FBH1: variants seen among roughly 807,000 people sequenced by gnomAD.
FBH1 encodes F-box DNA helicase 1, also known as DNA 3'-5' helicase 1.
In FBH1, 43 loss-of-function variants were observed where a neutral mutation model predicts 115.5. The observed-to-expected ratio is 0.37, with a 90% CI of 0.29 to 0.48. FBH1 has a LOEUF of 0.48. FBH1 is among the 20% of genes least tolerant of loss of function. The probability of loss-of-function intolerance (pLI) is 0.99; values close to 1 mark genes in which losing one functional copy is unlikely to be tolerated. For synonymous variants in FBH1, 524 were observed against 507.8 expected (o/e 1.03, Z -0.43); for missense variants, 1,001 against 1,337.3 (o/e 0.75, Z 3.92).
chr10:5,911,852 G>A lies in FBH1; in HGVS notation c.1211+724G>A, dbSNP rs1161357105. ...GAAAAAGCTTCTCTGAGCAGGTAGT[G>A]TCTGAGTGAAACCTGAGTGTGGAGG... On this transcript the variant is annotated intron_variant, in intron 6 of 20. Coordinates refer to ENST00000362091, the MANE Select transcript of FBH1 (RefSeq NM_178150.3). The surrounding 1 kb of genome is among the most constrained non-coding windows in gnomAD (Gnocchi z 5.4). Among the ~76,000 whole-genome samples, 2 of 152,198 alleles carry A rather than the reference G, an allele frequency of 1.3e-5. No individual in the cohort carries two copies. The highest frequency in any genetic ancestry group is 2.1e-4 in the South Asian group (1 of 4,830).
Position 5,923,979 on chromosome 10 carries a change from G to A in FBH1, c.2398+283G>A, listed in dbSNP as rs545713586. The A allele has an allele frequency of 1.6e-5, 9 of 557,614 alleles. No homozygotes were observed. The highest frequency in any genetic ancestry group is 5.6e-5 in the African/African-American group (3 of 53,376). The allele number at this position is 557,614 out of a possible 1,614,324, so 34.5% of individuals were successfully genotyped here. A position where few individuals can be genotyped will look rare whatever the true frequency, so the allele number is the denominator to read the frequency against. On this transcript the variant is annotated intron_variant, in intron 16 of 20. Transcript: ENST00000362091. This position sits in a 1 kb window ranked among gnomAD's most constrained non-coding sequence, Gnocchi z 5.7. Reference sequence around the variant, plus strand: ...TCTGTCTGCCTGGGCCAATTTATACGTTGATACTTCCACGTGGGCCCCAAG... The same window carrying A: ...TCTGTCTGCCTGGGCCAATTTATACATTGATACTTCCACGTGGGCCCCAAG...
At position 5,936,422 on chromosome 10, in the gene FBH1, G is replaced by T; in HGVS notation, c.2830-34G>T. On this transcript the variant is annotated intron_variant, in intron 19 of 20. Coordinates refer to ENST00000362091, the MANE Select transcript of FBH1 (RefSeq NM_178150.3). This position sits in a 1 kb window ranked among gnomAD's most constrained non-coding sequence, Gnocchi z 5.6. ...TCCAGTAGACCCTAACGGAGGTGTCGCCATGACTCTCTTTCTCGCTCTTTC... is the reference window on the plus strand; with the variant it reads ...TCCAGTAGACCCTAACGGAGGTGTCTCCATGACTCTCTTTCTCGCTCTTTC... 1 of 1,607,394 alleles carries T rather than the reference G, an allele frequency of 6.2e-7. No homozygotes were observed. The highest frequency in any genetic ancestry group is 8.5e-7 in the Non-Finnish European group (1 of 1,176,524).
At position 5,925,372 on chromosome 10, in the gene FBH1, A is replaced by G; in HGVS notation, c.2602A>G (p.Ile868Val). 6.2e-7 allele frequency: 1 copy of G among 1,614,042 alleles called. No homozygotes were observed. The highest frequency in any genetic ancestry group is 8.5e-7 in the Non-Finnish European group (1 of 1,180,002). The change falls in exon 18 of 21, where the codon ATT becomes GTT. Residue 868 changes from isoleucine to valine, a missense_variant. Coordinates refer to ENST00000362091, the MANE Select transcript of FBH1 (RefSeq NM_178150.3). This position sits in a 1 kb window ranked among gnomAD's most constrained non-coding sequence, Gnocchi z 4.6. ...GTGCTGTGTTTTTATCCTAGAGTAC[A>G]TTCTGGGCACTGTGCACAAAGCCAA... ...HIEDLDFAEY[I>V]LGTVHKAKGL...
At position 5,914,125 on chromosome 10, in the gene FBH1, T is replaced by C; in HGVS notation, c.1305-53T>C. The stretch of plus-strand genomic sequence containing the variant: ...TTTGGTTTTTGGACTGTCTATCCCC[T>C]GGACTTTTCACGTCTTTCTGTTTTT... On this transcript the variant is annotated intron_variant, in intron 7 of 20. Coordinates refer to ENST00000362091, the MANE Select transcript of FBH1 (RefSeq NM_178150.3). The surrounding 1 kb of genome is among the most constrained non-coding windows in gnomAD (Gnocchi z 5.2). 2 of 1,567,928 alleles carry C rather than the reference T, an allele frequency of 1.3e-6. No homozygotes were observed. Among genetic ancestry groups the C allele is most frequent in the South Asian group, 1.1e-5 (1 of 90,022 alleles).
In FBH1 at chr10:5,909,109, C is replaced by A; in HGVS notation, c.885-50C>A. On this transcript the variant is annotated intron_variant, in intron 4 of 20. Coordinates refer to ENST00000362091, the MANE Select transcript of FBH1 (RefSeq NM_178150.3). The surrounding 1 kb of genome is among the most constrained non-coding windows in gnomAD (Gnocchi z 4.4). ...CGTCTTTGAAGTCTTCCTTGTACAT[C>A]AGTGCTTATGGTCACCCTACTCATG... is the stretch of plus-strand genomic sequence containing the variant. The A allele has an allele frequency of 6.2e-7, 1 of 1,613,550 alleles. No individual in the cohort carries two copies. The highest frequency in any genetic ancestry group is 8.5e-7 in the Non-Finnish European group (1 of 1,179,876).
chr10:5,895,262 T>C lies in FBH1; in HGVS notation c.1+4916T>C. ...TGTCCAGATTAGCAAAACTGCCCTCTGTGGATCTTTGTTAAAGTTGGGTAT... is the reference window on the plus strand; with the variant it reads ...TGTCCAGATTAGCAAAACTGCCCTCCGTGGATCTTTGTTAAAGTTGGGTAT... On this transcript the variant is annotated intron_variant, in intron 1 of 20. Transcript: ENST00000362091. The surrounding 1 kb of genome is among the most constrained non-coding windows in gnomAD (Gnocchi z 5.0). 1.3e-6 allele frequency: 2 copies of C among 1,486,934 alleles called. No homozygotes were observed. Among genetic ancestry groups the C allele is most frequent in the South Asian group, 2.6e-5 (2 of 76,586 alleles). 92.1% of individuals were successfully genotyped at this position (1,486,934 alleles called of 1,614,324 possible). A position where few individuals can be genotyped will look rare whatever the true frequency, so the allele number is the denominator to read the frequency against.
chr10:5,933,099 T>C lies in FBH1; in HGVS notation c.2830-3357T>C, dbSNP rs558619525. ...GTCCCACCAGTTGTATGCATAAGAG[T>C]GAAATAGGCCCGGCGCAGTAGCTCA... On this transcript the variant is annotated intron_variant, in intron 19 of 20. Transcript: ENST00000362091. The surrounding 1 kb of genome is among the most constrained non-coding windows in gnomAD (Gnocchi z 4.9). Among the ~76,000 whole-genome samples the C allele has an allele frequency of 1.3e-5, 2 of 152,018 alleles. No homozygotes were observed. Among genetic ancestry groups the C allele is most frequent in the South Asian group, 4.2e-4 (2 of 4,812 alleles).
At chr10:5,893,672 T>A (rs1199402057) in intron 1 of FBH1, among the ~76,000 whole-genome samples, 4 of 152,238 alleles carry the variant, frequency 2.6e-5, no homozygotes, top group African/African-American at 9.6e-5. Flanking sequence ...TAACACTTCA[T>A]GCATGCATTT....
intron 1 of FBH1, among the ~76,000 whole-genome samples, chr10:5,893,452 C>G (rs1842845631): frequency 6.6e-6 from 1 of 152,186 alleles, no homozygotes. Context: ...AATTCCTTTT[C>G]CAGCCTTATC....
intron 2 of FBH1, 106 bp from the exon 3 acceptor site, chr10:5,905,931 C>A: frequency 1.3e-6 from 1 of 750,052 alleles, no homozygotes. Context: ...TATCTCTTTC[C>A]ACTATTAACA....
chr10:5,928,947 G>A (rs193015099), intron 19 of FBH1, among the ~76,000 whole-genome samples: 132 of 152,268 alleles, frequency 8.7e-4, no homozygotes, highest in African/African-American at 3.0e-3. Flanking sequence ...GCCTACTCTC[G>A]TGGGGTGAGC....
chr10:5,898,543 T>A (rs1382667919), intron 1 of FBH1, among the ~76,000 whole-genome samples: 1 of 152,154 alleles, frequency 6.6e-6, no homozygotes, highest in Non-Finnish European at 1.5e-5. Context: ...CCTGAGTAGC[T>A]GGGGTTACAG....
rs1390357325 is a variant in FBH1, at chr10:5,933,083, G to T, written c.2830-3373G>T. Among the ~76,000 whole-genome samples the T allele has an allele frequency of 2.0e-5, 3 of 152,112 alleles. No homozygotes were observed. Among genetic ancestry groups the T allele is most frequent in the Admixed American group, 2.0e-4 (3 of 15,268 alleles). On this transcript the variant is annotated intron_variant, in intron 19 of 20. Coordinates refer to ENST00000362091, the MANE Select transcript of FBH1 (RefSeq NM_178150.3). The surrounding 1 kb of genome is among the most constrained non-coding windows in gnomAD (Gnocchi z 4.9). ...TTGTTATCACTTTAGAGTCCCACCAGTTGTATGCATAAGAGTGAAATAGGC... is the reference window on the plus strand; with the variant it reads ...TTGTTATCACTTTAGAGTCCCACCATTTGTATGCATAAGAGTGAAATAGGC...
Position 5,906,280 on chromosome 10 carries a change from C to T in FBH1, c.401C>T (p.Ala134Val). 1.2e-6 allele frequency: 2 copies of T among 1,614,208 alleles called. No individual in the cohort carries two copies. The highest frequency in any genetic ancestry group is 1.7e-6 in the Non-Finnish European group (2 of 1,180,034). Residue 134 changes from alanine (A) to valine (V), a missense_variant, in exon 3 of 21, where the codon GCT becomes GTT. Around this residue, in one of 4 missense-constraint regions of FBH1, gnomAD observed 420 missense variants for 430.4 expected, o/e 0.98. Coordinates refer to ENST00000362091, the MANE Select transcript of FBH1 (RefSeq NM_178150.3). The surrounding 1 kb of genome is among the most constrained non-coding windows in gnomAD (Gnocchi z 7.3). ...SWSSEEESNQATGTSRWDGVS... is the reference protein window; with the variant it reads ...SWSSEEESNQVTGTSRWDGVS... ...TCCTCTGAGGAAGAGAGTAACCAGGCTACCGGGACCAGCCGGTGGGATGGA... is the reference window on the plus strand; with the variant it reads ...TCCTCTGAGGAAGAGAGTAACCAGGTTACCGGGACCAGCCGGTGGGATGGA...
In FBH1 at chr10:5,923,617, T is replaced by A; in HGVS notation, c.2323-4T>A. The A allele has an allele frequency of 6.2e-7, 1 of 1,607,412 alleles. No homozygotes were observed. The highest frequency in any genetic ancestry group is 8.5e-7 in the Non-Finnish European group (1 of 1,178,308). ...ACAAAAATCCCACCAAAAAACTTTTTCAGGGGATTAAATCATTTGGATTGG... is the reference window on the plus strand; with the variant it reads ...ACAAAAATCCCACCAAAAAACTTTTACAGGGGATTAAATCATTTGGATTGG... On this transcript the variant is annotated splice_polypyrimidine_tract_variant and splice_region_variant and intron_variant, in intron 15 of 20. Transcript: ENST00000362091. This position sits in a 1 kb window ranked among gnomAD's most constrained non-coding sequence, Gnocchi z 5.7.
chr10:5,936,901 T>G lies in FBH1; in HGVS notation c.2962-209T>G. ...TTATCTTGACTGGATAAATGACTGT[T>G]TCTGAGCTCAGGGAATTTGGGGGTG... On this transcript the variant is annotated intron_variant, in intron 20 of 20. Coordinates refer to ENST00000362091, the MANE Select transcript of FBH1 (RefSeq NM_178150.3). The surrounding 1 kb of genome is among the most constrained non-coding windows in gnomAD (Gnocchi z 5.6). The G allele has an allele frequency of 1.6e-6, 1 of 621,502 alleles. No homozygotes were observed. The highest frequency in any genetic ancestry group is 2.8e-6 in the Non-Finnish European group (1 of 359,560). The allele number at this position is 621,502 out of a possible 1,614,324, so 38.5% of individuals were successfully genotyped here.
Position 5,936,431 on chromosome 10 carries a change from C to G in FBH1, c.2830-25C>G, listed in dbSNP as rs745413507. The G allele has an allele frequency of 3.1e-6, 5 of 1,611,040 alleles. No homozygotes were observed. The highest frequency in any genetic ancestry group is 2.2e-5 in the South Asian group (2 of 90,902). Reference sequence around the variant, plus strand: ...CCCTAACGGAGGTGTCGCCATGACTCTCTTTCTCGCTCTTTCTTTCTCAGG... The same window carrying G: ...CCCTAACGGAGGTGTCGCCATGACTGTCTTTCTCGCTCTTTCTTTCTCAGG... On this transcript the variant is annotated intron_variant, in intron 19 of 20. Transcript: ENST00000362091. This position sits in a 1 kb window ranked among gnomAD's most constrained non-coding sequence, Gnocchi z 5.6.
chr10:5,899,707 C>A (rs1315753065), intron 1 of FBH1, among the ~76,000 whole-genome samples: 1 of 152,186 alleles, frequency 6.6e-6, no homozygotes, highest in Non-Finnish European at 1.5e-5. Context: ...GTTCTGGAAG[C>A]CATGTTGCCG....
At position 5,906,570 on chromosome 10, in the gene FBH1, G is replaced by C. The variant is rs748808071; in HGVS notation, c.691G>C (p.Asp231His). 6.2e-7 allele frequency: 1 copy of C among 1,613,836 alleles called. No homozygotes were observed. ...RHVFAFLPVE[D>H]LYWNLSLVCH... ...CGTGTTTGCCTTCCTCCCGGTGGAA[G>C]ACCTCTATTGGAACCTGAGCTTGGT... Residue 231 changes from aspartate to histidine, a missense_variant, in exon 3 of 21, where the codon GAC (aspartate) becomes CAC (histidine). This residue lies in a region of FBH1 where 420 missense variants were observed against 430.4 expected (regional missense o/e 0.98). Coordinates refer to ENST00000362091, the MANE Select transcript of FBH1 (RefSeq NM_178150.3). The surrounding 1 kb of genome is among the most constrained non-coding windows in gnomAD (Gnocchi z 7.3).
Sources: allele counts gnomAD v4.1 joint callset (sites outside exome capture counted in the v4.1 genomes callset), GRCh38; gene constraint gnomAD v4.1.1; regional missense constraint gnomAD v4.1.1; non-coding constraint Gnocchi (gnomAD v3.1); transcripts MANE v1.5; gene names NCBI Gene and HGNC (gene_info 2026-07-23, HGNC 2026-07-21).